Variants in SLC9A8 observed in about 807,000 individuals in gnomAD.
The protein encoded by SLC9A8 is solute carrier family 9 member A8.
In SLC9A8, 48 loss-of-function variants were observed where a neutral mutation model predicts 66.6. The ratio of observed to expected loss-of-function variants is 0.72; its 90% CI spans 0.57 to 0.92. The LOEUF (loss-of-function observed/expected upper bound fraction) is 0.92. SLC9A8 is among the 40% of genes least tolerant of loss of function. The pLI, the probability that SLC9A8 is intolerant of heterozygous loss-of-function variation, is 0.00. For missense variants in SLC9A8, 599 were observed against 747.3 expected (o/e 0.80, Z 2.31); for synonymous variants, 274 against 282.6 (o/e 0.97, Z 0.31).
At chr20:49,850,871 T>G (rs1329328630) in intron 7 of SLC9A8, 27 bp downstream of exon 7, 3 of 1,545,770 alleles carry the variant, frequency 1.9e-6, no homozygotes, top group Non-Finnish European at 2.7e-6. Context: ...GTAACACCCA[T>G]GCGACTGCTT....
intron 10 of SLC9A8, among the ~76,000 whole-genome samples, chr20:49,872,456 CCT>C (rs1568865088): frequency 2.3e-5 from 1 of 44,032 alleles, no homozygotes; most frequent in Non-Finnish European, 4.6e-5. Flanking sequence ...TGATTTTCAC[CCT>C]TTTTTTTTTT....
At chr20:49,877,319 TC>T (rs1401126503) in intron 11 of SLC9A8, among the ~76,000 whole-genome samples, 1 of 151,904 alleles carries the variant, frequency 6.6e-6, no homozygotes, top group Non-Finnish European at 1.5e-5. Flanking sequence ...ACAGTTTTAA[TC>T]TCTTTAGTCA....
chr20:49,849,123 C>G (rs952757487), intron 5 of SLC9A8, among the ~76,000 whole-genome samples: 1 of 152,100 alleles, frequency 6.6e-6, no homozygotes, highest in Non-Finnish European at 1.5e-5. Flanking sequence ...ACAACCTGCT[C>G]GAAGCCACCA....
At chr20:49,843,202 G>T (rs1407000162) in intron 4 of SLC9A8, among the ~76,000 whole-genome samples, 1 of 151,858 alleles carries the variant, frequency 6.6e-6, no homozygotes, top group African/African-American at 2.4e-5. Flanking sequence ...GGGGTGGGGG[G>T]GGCTAGTTTT....
intron 8 of SLC9A8, among the ~76,000 whole-genome samples, chr20:49,860,625 G>A (rs1475811202): frequency 1.3e-5 from 2 of 152,124 alleles, no homozygotes; most frequent in East Asian, 1.9e-4. Context: ...GGAGGCTGAC[G>A]CAGGAGAATT....
chr20:49,881,038 A>G lies in SLC9A8; in HGVS notation c.1270+3A>G. The G allele has an allele frequency of 1.3e-6, 2 of 1,597,376 alleles. No individual in the cohort carries two copies. Among genetic ancestry groups the G allele is most frequent in the Non-Finnish European group, 1.7e-6 (2 of 1,164,774 alleles). On this transcript the variant is annotated splice_donor_region_variant and intron_variant, in intron 13 of 15. Transcript: ENST00000361573. ...GATGTTCATCATGTGGTTTAGTGGT[A>G]AGTCAAATCTTGGATAAATGGGGTG...
Position 49,855,490 on chromosome 20 carries a change from A to G in SLC9A8, c.622A>G (p.Ile208Val), listed in dbSNP as rs2088435887. The change falls in exon 8 of 16, where the codon ATT becomes GTT. Residue 208 changes from isoleucine (I) to valine (V), a missense_variant. By Grantham distance (29) the Ile-to-Val change is conservative. Coordinates refer to ENST00000361573, the MANE Select transcript of SLC9A8 (RefSeq NM_015266.3). ...SAVDPVATIA[I>V]FNALHVDPVL... Reference sequence around the variant, plus strand: ...TGTCGATCCAGTGGCCACTATTGCCATTTTCAATGCACTTCATGTGGACCC... The same window carrying G: ...TGTCGATCCAGTGGCCACTATTGCCGTTTTCAATGCACTTCATGTGGACCC... 1.2e-6 allele frequency: 2 copies of G among 1,613,928 alleles called. No homozygotes were observed.
At position 49,889,407 on chromosome 20, in the gene SLC9A8, C is replaced by T. The variant is rs936478327; in HGVS notation, c.*1471C>T. 1 of 152,376 alleles carries T rather than the reference C, an allele frequency of 6.6e-6. No individual in the cohort carries two copies. The highest frequency in any genetic ancestry group is 2.4e-5 in the African/African-American group (1 of 41,458). The allele number at this position is 152,376 out of a possible 1,614,324, so 9.4% of individuals were successfully genotyped here. ...GGGCCCACATGGGCCAGCATGGACC[C>T]TGGGCTAGAGCAAGCACATCTCCAT... is the stretch of plus-strand genomic sequence containing the variant. On this transcript the variant is annotated 3_prime_UTR_variant, in exon 16 of 16. Coordinates refer to ENST00000361573, the MANE Select transcript of SLC9A8 (RefSeq NM_015266.3).
chr20:49,819,107 T>G (rs2086650564), intron 2 of SLC9A8, among the ~76,000 whole-genome samples: 1 of 152,266 alleles, frequency 6.6e-6, no homozygotes, highest in Non-Finnish European at 1.5e-5. Context: ...TTAACCGTTG[T>G]TGATCTTTGA....
At chr20:49,877,563 TG>T (rs1189624507) in intron 11 of SLC9A8, among the ~76,000 whole-genome samples, 2 of 152,122 alleles carry the variant, frequency 1.3e-5, no homozygotes, top group Non-Finnish European at 2.9e-5. Context: ...GCTAATCATG[TG>T]GAAGTTAACC....
chr20:49,864,419 T>C (rs2088878678), intron 9 of SLC9A8, among the ~76,000 whole-genome samples: 1 of 152,188 alleles, frequency 6.6e-6, no homozygotes, highest in Non-Finnish European at 1.5e-5. Flanking sequence ...GCCCCAGCTT[T>C]GCGCCATGGC....
chr20:49,813,380 A>G (rs1175513411), intron 1 of SLC9A8, among the ~76,000 whole-genome samples: 1 of 152,196 alleles, frequency 6.6e-6, no homozygotes, highest in Non-Finnish European at 1.5e-5. Flanking sequence ...TCATTTAGTC[A>G]TTAACTGTTA....
chr20:49,872,613 G>C (rs1054923056), intron 10 of SLC9A8, among the ~76,000 whole-genome samples: 1 of 152,180 alleles, frequency 6.6e-6, no homozygotes, highest in Non-Finnish European at 1.5e-5. Context: ...AGCCTCCAGA[G>C]TAGCTGGGAT....
chr20:49,833,595 G>C (rs990979781), intron 3 of SLC9A8, among the ~76,000 whole-genome samples: 5 of 152,212 alleles, frequency 3.3e-5, no homozygotes, highest in Non-Finnish European at 7.3e-5. Flanking sequence ...CATTGTAGTA[G>C]TGTAGGCAGC....
At chr20:49,868,863 A>G (rs1435388340) in intron 10 of SLC9A8, among the ~76,000 whole-genome samples, 1 of 152,234 alleles carries the variant, frequency 6.6e-6, no homozygotes, top group Non-Finnish European at 1.5e-5. Flanking sequence ...CTCTGTCTCA[A>G]TATGATGAAT....
intron 8 of SLC9A8, among the ~76,000 whole-genome samples, chr20:49,858,845 C>T (rs979744444): frequency 1.4e-4 from 22 of 151,820 alleles, no homozygotes; most frequent in African/African-American, 4.8e-4. Flanking sequence ...GTAATCCCAT[C>T]TACTTGGGAG....
In SLC9A8 at chr20:49,855,571, G is replaced by A; in HGVS notation, c.703G>A (p.Val235Ile). Reference sequence around the variant, plus strand: ...TATTCTCAACGATGCAGTCTCCATTGTTCTGACCAAGTAAGTACGGGGGCA... The same window carrying A: ...TATTCTCAACGATGCAGTCTCCATTATTCTGACCAAGTAAGTACGGGGGCA... ...ESILNDAVSI[V>I]LTNTAEGLTR... The change falls in exon 8 of 16, where the codon GTT (valine) becomes ATT (isoleucine). Residue 235 changes from valine (V) to isoleucine (I), a missense_variant. This residue lies in a region of SLC9A8 where 467 missense variants were observed against 626.5 expected (regional missense o/e 0.75). Coordinates refer to ENST00000361573, the MANE Select transcript of SLC9A8 (RefSeq NM_015266.3). 6.2e-7 allele frequency: 1 copy of A among 1,614,134 alleles called. No individual in the cohort carries two copies. Among genetic ancestry groups the A allele is most frequent in the Non-Finnish European group, 8.5e-7 (1 of 1,179,998 alleles).
chr20:49,824,128 T>A (rs2086837953), intron 3 of SLC9A8, among the ~76,000 whole-genome samples: 1 of 152,226 alleles, frequency 6.6e-6, no homozygotes, highest in South Asian at 2.1e-4. Flanking sequence ...AAGTGCCAGA[T>A]CCTGGCTTGT....
intron 11 of SLC9A8, among the ~76,000 whole-genome samples, chr20:49,875,125 T>A (rs1390716249): frequency 1.3e-5 from 2 of 152,094 alleles, no homozygotes; most frequent in Non-Finnish European, 2.9e-5. Context: ...AAAAATGTAT[T>A]CCTTGGAAAT....
Sources: gnomAD v4.1 joint callset for allele counts (sites outside exome capture counted in the v4.1 genomes callset) on GRCh38, gnomAD v4.1.1 for gene constraint, gnomAD v4.1.1 regional missense constraint, MANE v1.5 for transcripts, NCBI Gene and HGNC (gene_info 2026-07-23, HGNC 2026-07-21) for gene names.